The following CNTNAP2 variants were observed in gnomAD, a reference collection of about 807,000 sequenced individuals.
The protein encoded by CNTNAP2 is contactin associated protein 2.
Under a neutral mutation model 155.2 loss-of-function variants are expected in CNTNAP2, and 98 were observed. That is an observed-to-expected ratio of 0.63 (90% CI 0.54 to 0.75). The LOEUF is 0.75. Among genes scored for constraint, CNTNAP2 ranks in the 30% least tolerant of loss-of-function variants. The pLI, the probability that CNTNAP2 is intolerant of heterozygous loss-of-function variation, is 0.00. For missense variants in CNTNAP2, 1,727 were observed against 1,688.1 expected, an observed-to-expected ratio of 1.02 and a Z score of -0.40; for synonymous variants, 651 against 631.2, an observed-to-expected ratio of 1.03 and a Z score of -0.47.
intron 3 of CNTNAP2, among the ~76,000 whole-genome samples, chr7:146,933,779 A>T (rs1489174748): frequency 6.6e-6 from 1 of 152,190 alleles, no homozygotes. Context: ...AAGTGGGCAA[A>T]GGACATGAAC....
At chr7:146,300,643 A>ACTTGG (rs1465204840) in intron 1 of CNTNAP2, among the ~76,000 whole-genome samples, 1 of 152,154 alleles carries the variant, frequency 6.6e-6, no homozygotes, top group Non-Finnish European at 1.5e-5. Flanking sequence ...CAAGTTTTCA[A>ACTTGG]GTTATCGAAA....
intron 1 of CNTNAP2, among the ~76,000 whole-genome samples, chr7:146,124,347 A>C (rs1244356961): frequency 6.6e-6 from 1 of 152,206 alleles, no homozygotes; most frequent in Non-Finnish European, 1.5e-5. Flanking sequence ...ATCACTGTTA[A>C]CTGATTTTTT....
intron 1 of CNTNAP2, among the ~76,000 whole-genome samples, chr7:146,464,145 A>G (rs1011431942): frequency 1.3e-5 from 2 of 150,556 alleles, no homozygotes; most frequent in Admixed American, 1.3e-4. Context: ...AACCATCTCA[A>G]CAGAATACTT....
At chr7:146,959,680 A>ACTGCAC (rs2129230096) in intron 3 of CNTNAP2, among the ~76,000 whole-genome samples, 1 of 148,106 alleles carries the variant, frequency 6.8e-6, no homozygotes, top group South Asian at 2.2e-4. Flanking sequence ...AGATCATACC[A>ACTGCAC]CTGCACTCCA....
chr7:147,327,084 T>C (rs535209559), intron 9 of CNTNAP2, among the ~76,000 whole-genome samples: 1 of 152,300 alleles, frequency 6.6e-6, no homozygotes, highest in Admixed American at 6.5e-5. Context: ...CTGAGGAAAT[T>C]TCTAAGCATC....
At chr7:146,163,975 G>C (rs997744435) in intron 1 of CNTNAP2, among the ~76,000 whole-genome samples, 11 of 152,126 alleles carry the variant, frequency 7.2e-5, no homozygotes, top group African/African-American at 2.4e-4. Context: ...GTGACAAGAA[G>C]TGCTTTCTCT....
chr7:148,359,161 A>G (rs1392503606), intron 21 of CNTNAP2, among the ~76,000 whole-genome samples: 1 of 152,228 alleles, frequency 6.6e-6, no homozygotes, highest in Non-Finnish European at 1.5e-5. Flanking sequence ...TTTGTAACCT[A>G]GGAACCATAG....
intron 8 of CNTNAP2, among the ~76,000 whole-genome samples, chr7:147,261,655 G>A (rs572257981): frequency 6.6e-6 from 1 of 152,078 alleles, no homozygotes; most frequent in South Asian, 2.1e-4. Flanking sequence ...TATTTGAATG[G>A]CGTTGTCAGG....
At chr7:146,195,617 A>T (rs1798764156) in intron 1 of CNTNAP2, among the ~76,000 whole-genome samples, 1 of 152,196 alleles carries the variant, frequency 6.6e-6, no homozygotes, top group African/African-American at 2.4e-5. Context: ...AGATGGCTTT[A>T]AAATTTTGAA....
chr7:148,355,165 G>GGTTTT (rs1563055120), intron 21 of CNTNAP2, among the ~76,000 whole-genome samples: 1 of 27,804 alleles, frequency 3.6e-5, no homozygotes, highest in African/African-American at 1.7e-4. Context: ...GCCGCCAGCT[G>GGTTTT]CTTTTTTTTT....
intron 8 of CNTNAP2, among the ~76,000 whole-genome samples, chr7:147,137,983 T>C (rs1801521986): frequency 6.6e-6 from 1 of 151,770 alleles, no homozygotes; most frequent in Non-Finnish European, 1.5e-5. Flanking sequence ...ATATTCCTTT[T>C]TCTCAATAAA....
At chr7:148,338,735 G>A (rs145113270) in intron 21 of CNTNAP2, among the ~76,000 whole-genome samples, 181 of 152,230 alleles carry the variant, frequency 1.2e-3, no homozygotes, top group African/African-American at 4.0e-3. Context: ...ACTTGATTTT[G>A]TAGCATGCCA....
intron 15 of CNTNAP2, among the ~76,000 whole-genome samples, chr7:148,021,569 G>A (rs756437511): frequency 6.6e-6 from 1 of 152,226 alleles, no homozygotes; most frequent in Non-Finnish European, 1.5e-5. Flanking sequence ...GGAAGGCCTC[G>A]TGTTCATTCA....
chr7:148,036,934 T>G (rs1349745467), intron 15 of CNTNAP2, among the ~76,000 whole-genome samples: 3 of 152,206 alleles, frequency 2.0e-5, no homozygotes, highest in Non-Finnish European at 4.4e-5. Context: ...TAGCTAAAAA[T>G]TCTTATCAAA....
At chr7:146,436,818 C>G (rs150234699) in intron 1 of CNTNAP2, among the ~76,000 whole-genome samples, 1 of 151,452 alleles carries the variant, frequency 6.6e-6, no homozygotes, top group Non-Finnish European at 1.5e-5. Context: ...CATGTTATTC[C>G]GTTATATTAA....
intron 8 of CNTNAP2, among the ~76,000 whole-genome samples, chr7:147,198,477 C>G (rs1802853411): frequency 6.6e-6 from 1 of 152,162 alleles, no homozygotes; most frequent in Non-Finnish European, 1.5e-5. Context: ...GGCGATCCAC[C>G]CACCTCAGCC....
At chr7:146,545,974 G>A (rs1177868047) in intron 1 of CNTNAP2, among the ~76,000 whole-genome samples, 2 of 151,848 alleles carry the variant, frequency 1.3e-5, no homozygotes, top group South Asian at 2.1e-4. Context: ...TGAAAACAAT[G>A]GATCATGATA....
At chr7:147,453,165 G>A (rs1442942082) in intron 10 of CNTNAP2, among the ~76,000 whole-genome samples, 2 of 152,218 alleles carry the variant, frequency 1.3e-5, no homozygotes, top group Middle Eastern at 3.4e-3. Flanking sequence ...AAGATTTGTT[G>A]TCTTAAGCAT....
chr7:147,795,056 A>G (rs1030843375), intron 13 of CNTNAP2, among the ~76,000 whole-genome samples: 2 of 151,666 alleles, frequency 1.3e-5, no homozygotes, highest in Admixed American at 1.3e-4. Context: ...TATGTTAACT[A>G]TCTCTGTTAT....
Sources: gnomAD v4.1 joint callset for allele counts (sites outside exome capture counted in the v4.1 genomes callset) on GRCh38, gnomAD v4.1.1 for gene constraint, MANE v1.5 for transcripts, NCBI Gene and HGNC (gene_info 2026-07-23, HGNC 2026-07-21) for gene names.